The following TENM1 variants were observed in gnomAD, a reference collection of about 807,000 sequenced individuals.
TENM1 encodes teneurin-1.
Under a neutral mutation model 174.8 loss-of-function variants are expected in TENM1, and 35 were observed. That is an observed-to-expected ratio of 0.20 (90% confidence interval 0.15 to 0.27). The LOEUF (loss-of-function observed/expected upper bound fraction) is 0.27. Among genes scored for constraint, TENM1 ranks in the 10% least tolerant of loss-of-function variants. The pLI is 1.00. For synonymous variants in TENM1, 781 were observed against 798.7 expected (o/e 0.98, Z 0.37); for missense variants, 1,633 against 2,130.1 (o/e 0.77, Z 4.59).
At chrX:124,626,136 T>C (rs2050631318) in intron 11 of TENM1, among the ~76,000 whole-genome samples, 1 of 110,986 alleles carries the variant, frequency 9.0e-6, no homozygotes, top group African/African-American at 3.3e-5. Context: ...ACAAACTCTA[T>C]AGCCAGAGGA....
intron 19 of TENM1, among the ~76,000 whole-genome samples, chrX:124,498,578 T>C (rs954002308): frequency 2.7e-5 from 3 of 109,106 alleles, no homozygotes; most frequent in Non-Finnish European, 5.7e-5. Flanking sequence ...TCCATTCCTC[T>C]ATGTTTTTGT....
intron 11 of TENM1, 104 bp downstream of exon 14, chrX:124,641,687 A>G: frequency 1.3e-6 from 1 of 744,607 alleles, no homozygotes; most frequent in Non-Finnish European, 2.0e-6. Context: ...ACCTCTTAGG[A>G]CTCACAAAGG....
At position 124,752,062 on chromosome X, in the gene TENM1, G is replaced by A. The variant is rs749244793; in HGVS notation, c.536-14865C>T. Reference sequence around the variant, plus strand: ...TCCAGTTCTAGATCCCTGAGGAATCGCCACACTGACTTCCACAATGGTTGA... The same window carrying A: ...TCCAGTTCTAGATCCCTGAGGAATCACCACACTGACTTCCACAATGGTTGA... On this transcript the variant is annotated intron_variant, in intron 3 of 31. Transcript: ENST00000422452. Among the ~76,000 whole-genome samples the A allele has an allele frequency of 3.8e-3, 419 of 110,583 alleles. 1 individual carries two copies. Among genetic ancestry groups the A allele is most frequent in the African/African-American group, 0.013 (392 of 30,392 alleles).
chrX:124,425,440 A>C, intron 23 of TENM1, among the ~76,000 whole-genome samples: 1 of 111,681 alleles, frequency 9.0e-6, no homozygotes, highest in Non-Finnish European at 1.9e-5. Flanking sequence ...GGATTAGATA[A>C]GGTCATAAGG....
chrX:124,979,917 G>A, the TENM1 span, among the ~76,000 whole-genome samples: 1 of 111,719 alleles, frequency 9.0e-6, no homozygotes, highest in Non-Finnish European at 1.9e-5. Flanking sequence ...GAGATCATTT[G>A]GGGAAATGGG....
intron 11 of TENM1, among the ~76,000 whole-genome samples, chrX:124,574,022 C>T (rs1436781991): frequency 8.9e-6 from 1 of 112,117 alleles, no homozygotes; most frequent in Non-Finnish European, 1.9e-5. Flanking sequence ...ACATTACAGG[C>T]TACAAAATAT....
chrX:124,574,085 G>C (rs2049113121), intron 11 of TENM1, among the ~76,000 whole-genome samples: 1 of 111,848 alleles, frequency 8.9e-6, no homozygotes, highest in Non-Finnish European at 1.9e-5. Context: ...TATTGGAAAA[G>C]AACATGAAAA....
chrX:125,150,549 A>G, the TENM1 span, among the ~76,000 whole-genome samples: 7 of 111,818 alleles, frequency 6.3e-5, no homozygotes, highest in Non-Finnish European at 1.1e-4. Flanking sequence ...CCAGTCACAT[A>G]CCATTAAACA....
chrX:125,013,067 T>A, the TENM1 span, among the ~76,000 whole-genome samples: 1 of 111,774 alleles, frequency 8.9e-6, no homozygotes, highest in East Asian at 2.8e-4. Context: ...TCCAAAATGT[T>A]CAATAGCTAC....
chrX:124,389,959 G>A (rs1347226542), intron 28 of TENM1, among the ~76,000 whole-genome samples: 1 of 111,581 alleles, frequency 9.0e-6, no homozygotes, highest in East Asian at 2.8e-4. Context: ...ATCAAGAAAG[G>A]AACAAAAGTG....
chrX:124,583,118 C>T (rs1343040354), intron 11 of TENM1, among the ~76,000 whole-genome samples: 1 of 111,764 alleles, frequency 8.9e-6, no homozygotes, highest in Non-Finnish European at 1.9e-5. Context: ...CACAGACAAA[C>T]AAAAAGACAG....
At chrX:124,425,802 C>T (rs1276508251) in intron 23 of TENM1, among the ~76,000 whole-genome samples, 3 of 111,112 alleles carry the variant, frequency 2.7e-5, no homozygotes, top group African/African-American at 9.8e-5. Context: ...TATTTGGGTT[C>T]TAGACAGATC....
At chrX:125,056,607 C>G in the TENM1 span, among the ~76,000 whole-genome samples, 1 of 111,074 alleles carries the variant, frequency 9.0e-6, no homozygotes, top group African/African-American at 3.3e-5. Flanking sequence ...GACTGATGAC[C>G]TAGAATGATG....
chrX:124,940,622 A>G (rs767353456), intron 1 of TENM1, among the ~76,000 whole-genome samples: 1 of 110,522 alleles, frequency 9.0e-6, no homozygotes, highest in Non-Finnish European at 1.9e-5. Context: ...CACTTTCCAG[A>G]TTTTTTTCTG....
the TENM1 span, among the ~76,000 whole-genome samples, chrX:125,052,155 T>A: frequency 9.0e-6 from 1 of 111,584 alleles, no homozygotes; most frequent in African/African-American, 3.3e-5. Context: ...AAATGTAGAA[T>A]CTTAAAAGTG....
chrX:124,502,413 G>C (rs1336613444), intron 19 of TENM1, among the ~76,000 whole-genome samples: 1 of 112,026 alleles, frequency 8.9e-6, no homozygotes, highest in Non-Finnish European at 1.9e-5. Flanking sequence ...CTCGATTGAG[G>C]TCATTTCCCA....
the TENM1 span, among the ~76,000 whole-genome samples, chrX:125,191,139 T>A: frequency 8.9e-6 from 1 of 111,784 alleles, no homozygotes; most frequent in African/African-American, 3.2e-5. Flanking sequence ...GAAATGAAGT[T>A]TTTTCTTTAT....
intron 3 of TENM1, among the ~76,000 whole-genome samples, chrX:124,797,931 G>A (rs752843936): frequency 1.8e-5 from 2 of 110,977 alleles, no homozygotes; most frequent in Non-Finnish European, 3.8e-5. Flanking sequence ...CCACTTATGA[G>A]TGAGAACATG....
the TENM1 span, among the ~76,000 whole-genome samples, chrX:125,072,640 A>T: frequency 9.0e-6 from 1 of 111,618 alleles, no homozygotes; most frequent in South Asian, 3.7e-4. Flanking sequence ...GAAATTGCAC[A>T]CCAACATGGC....
Sources: allele counts gnomAD v4.1 joint callset (sites outside exome capture counted in the v4.1 genomes callset), GRCh38; gene constraint gnomAD v4.1.1; transcripts MANE v1.5; gene names NCBI Gene and HGNC (gene_info 2026-07-23, HGNC 2026-07-21).